Variants in GRM1 observed in about 807,000 individuals in gnomAD.
GRM1 encodes the protein glutamate metabotropic receptor 1.
In GRM1, 33 loss-of-function variants were observed where a neutral mutation model predicts 90.9. The observed-to-expected ratio is 0.36, with a 90% CI of 0.28 to 0.49. The LOEUF (loss-of-function observed/expected upper bound fraction) is 0.49. Ranked by LOEUF, GRM1 falls within the 20% of genes least tolerant of loss-of-function variation. GRM1 has a pLI of 0.99. For missense variants in GRM1, 1,190 were observed against 1,534.3 expected (o/e 0.78, Z 3.75); for synonymous variants, 700 against 613.2 (o/e 1.14, Z -2.09).
At chr6:146,146,135 T>TTTTTTTTTTTTTTTTTTTTTC in intron 1 of GRM1, among the ~76,000 whole-genome samples, 1 of 111,398 alleles carries the variant, frequency 9.0e-6, no homozygotes, top group Admixed American at 9.9e-5. Flanking sequence ...TTTTTTTTTT[T>TTTTTTTTTTTTTTTTTTTTTC]TTTTGAGACG....
rs1790628766 is a variant in GRM1 at position 146,029,428 on chromosome 6, G to T, written c.-90G>T. 2 of 1,015,696 alleles carry T rather than the reference G, an allele frequency of 2.0e-6. No individual in the cohort carries two copies. Among genetic ancestry groups the T allele is most frequent in the Admixed American group, 3.4e-5 (2 of 59,118 alleles). 62.9% of individuals were successfully genotyped at this position (1,015,696 alleles called of 1,614,324 possible). On this transcript the variant is annotated 5_prime_UTR_variant, in exon 1 of 8. Coordinates refer to ENST00000282753, the MANE Select transcript of GRM1 (RefSeq NM_001278064.2). ...GGGGCACCACTCCGGGAGAGGCGGC[G>T]CTGGGCGTCTTGGGGGTGCGCGCCG...
intron 3 of GRM1, among the ~76,000 whole-genome samples, chr6:146,315,039 T>C (rs1176810109): frequency 6.6e-6 from 1 of 152,188 alleles, no homozygotes; most frequent in Non-Finnish European, 1.5e-5. Context: ...ATATTTATGG[T>C]ATAGTTCCCA....
chr6:146,387,351 T>C (rs1342616029), intron 6 of GRM1, among the ~76,000 whole-genome samples: 1 of 152,000 alleles, frequency 6.6e-6, no homozygotes, highest in African/African-American at 2.4e-5. Flanking sequence ...CTACTATGGA[T>C]GAGGCACTAC....
intron 6 of GRM1, among the ~76,000 whole-genome samples, chr6:146,392,584 G>T (rs1033294423): frequency 6.6e-6 from 1 of 152,096 alleles, no homozygotes; most frequent in Non-Finnish European, 1.5e-5. Context: ...TGTGCAGAAT[G>T]TGCAGATTTG....
chr6:146,105,727 T>C (rs1014278550), intron 1 of GRM1, among the ~76,000 whole-genome samples: 2 of 152,216 alleles, frequency 1.3e-5, no homozygotes, highest in African/African-American at 4.8e-5. Flanking sequence ...TATGACACAT[T>C]TAACTTCATT....
At chr6:146,028,994 C>G (rs1031081651), upstream of GRM1, among the ~76,000 whole-genome samples, 7 of 152,192 alleles carry the variant, frequency 4.6e-5, no homozygotes, top group African/African-American at 1.7e-4. Flanking sequence ...GGGCTCTGCG[C>G]CGCCTGGACC....
Position 146,280,298 on chromosome 6 carries a change from T to C in GRM1, c.951-24313T>C, listed in dbSNP as rs375724219. 9.9e-5 allele frequency among the ~76,000 whole-genome samples: 15 copies of C among 152,278 alleles called. 1 individual carries two copies. The East Asian group carries it at 2.7e-3, about 27-fold the overall frequency. ...TCCCAGTGATCATAGCCCTGAGTTA[T>C]CCATTGTTCCATCCTTGAAAATAGC... On this transcript the variant is annotated intron_variant, in intron 2 of 7. Transcript: ENST00000282753.
At chr6:146,293,525 TACA>T (rs1162770612) in intron 2 of GRM1, among the ~76,000 whole-genome samples, 4 of 152,032 alleles carry the variant, frequency 2.6e-5, no homozygotes, top group Non-Finnish European at 5.9e-5. Context: ...ATATATTTTT[TACA>T]ACAATATCGT....
chr6:146,107,417 CT>C (rs1465688822), intron 1 of GRM1, among the ~76,000 whole-genome samples: 4 of 151,454 alleles, frequency 2.6e-5, no homozygotes, highest in Admixed American at 2.0e-4. Context: ...CTTTCAGACA[CT>C]GAAAAACAGC....
intron 1 of GRM1, among the ~76,000 whole-genome samples, chr6:146,133,041 T>C (rs1776470033): frequency 6.6e-6 from 1 of 152,224 alleles, no homozygotes; most frequent in African/African-American, 2.4e-5. Flanking sequence ...TACCTGAGTT[T>C]TTCATTTCTG....
chr6:146,370,946 G>C (rs979959968), intron 5 of GRM1, among the ~76,000 whole-genome samples: 1 of 151,926 alleles, frequency 6.6e-6, no homozygotes, highest in East Asian at 1.9e-4. Context: ...TACTTTGTCG[G>C]TGATAAATTA....
At chr6:146,416,867 T>C (rs1777805800) in intron 7 of GRM1, among the ~76,000 whole-genome samples, 1 of 152,186 alleles carries the variant, frequency 6.6e-6, no homozygotes, top group Non-Finnish European at 1.5e-5. Flanking sequence ...ACTCTGATTT[T>C]CAGCAGCTTA....
intron 1 of GRM1, among the ~76,000 whole-genome samples, chr6:146,158,584 A>G (rs965095904): frequency 6.6e-6 from 1 of 152,186 alleles, no homozygotes; most frequent in Non-Finnish European, 1.5e-5. Context: ...GAAAATCCTC[A>G]AACTTCGGGA....
At chr6:146,032,626 G>C (rs747179478) in intron 1 of GRM1, among the ~76,000 whole-genome samples, 1 of 152,112 alleles carries the variant, frequency 6.6e-6, no homozygotes, top group Non-Finnish European at 1.5e-5. Flanking sequence ...CACATATCAG[G>C]GTTGTCTCTG....
In GRM1 at chr6:146,333,771, C is replaced by G. The variant is rs1784665844; in HGVS notation, c.1187-18479C>G. Among the ~76,000 whole-genome samples, 3 of 151,994 alleles carry G rather than the reference C, an allele frequency of 2.0e-5. No homozygotes were observed. The South Asian group carries it at 6.2e-4, about 32-fold the overall frequency. On this transcript the variant is annotated intron_variant, in intron 3 of 7. Coordinates refer to ENST00000282753, the MANE Select transcript of GRM1 (RefSeq NM_001278064.2). ...TTGGAGCTTACCTAGATAATCCTTT[C>G]CTTATTTTACAAGATGAAAAACCTG...
At chr6:146,198,579 G>T (rs1341780107) in intron 2 of GRM1, among the ~76,000 whole-genome samples, 1 of 152,106 alleles carries the variant, frequency 6.6e-6, no homozygotes, top group Admixed American at 6.5e-5. Context: ...CCATTGGGTA[G>T]GTCCATACAC....
intron 1 of GRM1, among the ~76,000 whole-genome samples, chr6:146,129,997 A>T (rs1340623918): frequency 6.6e-6 from 1 of 152,104 alleles, no homozygotes; most frequent in South Asian, 2.1e-4. Flanking sequence ...AAAATTTCAG[A>T]TGTATTGGCT....
chr6:146,196,697 C>G (rs897450333), intron 2 of GRM1, among the ~76,000 whole-genome samples: 1 of 152,012 alleles, frequency 6.6e-6, no homozygotes, highest in Non-Finnish European at 1.5e-5. Context: ...AGGACCCATC[C>G]AAACCTACTG....
At chr6:146,037,321 G>T (rs1216478965) in intron 1 of GRM1, among the ~76,000 whole-genome samples, 1 of 151,894 alleles carries the variant, frequency 6.6e-6, no homozygotes, top group Non-Finnish European at 1.5e-5. Flanking sequence ...TAAAGGTGTA[G>T]CATCTACTAT....
Sources: allele counts gnomAD v4.1 joint callset (sites outside exome capture counted in the v4.1 genomes callset), GRCh38; gene constraint gnomAD v4.1.1; transcripts MANE v1.5; gene names NCBI Gene and HGNC (gene_info 2026-07-23, HGNC 2026-07-21).